The following GPLD1 variants were observed in gnomAD, a reference collection of about 807,000 sequenced individuals.
GPLD1 encodes the protein glycosylphosphatidylinositol specific phospholipase D1, also known as phosphatidylinositol-glycan-specific phospholipase D.
Under a neutral mutation model 112.6 loss-of-function variants are expected in GPLD1, and 84 were observed. The observed-to-expected ratio is 0.75, with a 90% CI of 0.63 to 0.89. GPLD1 has a LOEUF of 0.89. GPLD1 is among the 40% of genes least tolerant of loss of function. The pLI is 0.00. For missense variants in GPLD1, 1,044 were observed against 1,051.5 expected (o/e 0.99, Z 0.10); for synonymous variants, 386 against 403.8 (o/e 0.96, Z 0.53).
In GPLD1 at chr6:24,474,174, TAC is replaced by T. The variant is rs56324939; in HGVS notation, c.442-509_442-508del. 5.9e-3 allele frequency among the ~76,000 whole-genome samples: 861 copies of T among 145,596 alleles called. 1 individual carries two copies. Among genetic ancestry groups the T allele is most frequent in the South Asian group, 0.012 (54 of 4,564 alleles). ...AACAACAAAAAAAACCACACCCACA[TAC>T]ACACACACACACACACACACACACA... is the stretch of plus-strand genomic sequence containing the variant. On this transcript the variant is annotated intron_variant, in intron 5 of 24. Coordinates refer to ENST00000230036, the MANE Select transcript of GPLD1 (RefSeq NM_001503.4).
intron 14 of GPLD1, among the ~76,000 whole-genome samples, chr6:24,453,169 C>A (rs1763148446): frequency 6.6e-6 from 1 of 152,060 alleles, no homozygotes; most frequent in Non-Finnish European, 1.5e-5. Context: ...CCACTTAGGA[C>A]AAAAGAAGGA....
chr6:24,431,337 T>A (rs1282897860), intron 24 of GPLD1, among the ~76,000 whole-genome samples: 2 of 152,162 alleles, frequency 1.3e-5, no homozygotes, highest in African/African-American at 4.8e-5. Flanking sequence ...TCTGCAGCCC[T>A]TCAACCCACT....
rs1561847970 is a variant in GPLD1, at chr6:24,466,906, CT to C, written c.681+5del. 1.2e-6 allele frequency: 2 copies of C among 1,610,010 alleles called. No individual in the cohort carries two copies. Among genetic ancestry groups the C allele is most frequent in the Non-Finnish European group, 1.7e-6 (2 of 1,176,314 alleles). Reference sequence around the variant, plus strand: ...CCTTTAAGATTTGGAAGAATGACGCCTTTACCTTGGAAACAGCTAGCATCTC... The same window carrying C: ...CCTTTAAGATTTGGAAGAATGACGCCTTACCTTGGAAACAGCTAGCATCTC... On this transcript the variant is annotated splice_donor_5th_base_variant and intron_variant, in intron 9 of 24. Coordinates refer to ENST00000230036, the MANE Select transcript of GPLD1 (RefSeq NM_001503.4).
chr6:24,435,222 A>G (rs1043626997), intron 22 of GPLD1, among the ~76,000 whole-genome samples: 20 of 150,514 alleles, frequency 1.3e-4, no homozygotes, highest in Middle Eastern at 3.5e-3. Flanking sequence ...AGTGTTAGCC[A>G]GGATGGTCTC....
At position 24,485,672 on chromosome 6, in the gene GPLD1, C is replaced by CTT. The variant is rs372900860; in HGVS notation, c.153+402_153+403insAA. Among the ~76,000 whole-genome samples, 173 of 147,246 alleles carry CTT rather than the reference C, an allele frequency of 1.2e-3. 1 individual carries two copies. The highest frequency in any genetic ancestry group is 3.8e-3 in the African/African-American group (149 of 39,396). ...TAACATAAAGAAATAAATAATGAGT[C>CTT]TCTTTTTTTTTTTTGAGACGGAGTT... On this transcript the variant is annotated intron_variant, in intron 2 of 24. Transcript: ENST00000230036.
chr6:24,433,162 A>G (rs771600708), intron 24 of GPLD1, 25 bp downstream of exon 24: 5 of 1,531,036 alleles, frequency 3.3e-6, no homozygotes, highest in Non-Finnish European at 4.5e-6. Context: ...CATAAACATC[A>G]ATGAAGTTCA....
chr6:24,457,788 G>A (rs143223502), intron 12 of GPLD1, among the ~76,000 whole-genome samples: 65 of 151,864 alleles, frequency 4.3e-4, no homozygotes, highest in African/African-American at 1.5e-3. Context: ...CAGGAAAATC[G>A]CTTGAACCTG....
At chr6:24,468,278 A>G (rs1763683521) in intron 7 of GPLD1, among the ~76,000 whole-genome samples, 1 of 152,184 alleles carries the variant, frequency 6.6e-6, no homozygotes, top group Non-Finnish European at 1.5e-5. Context: ...TTTGCCCACA[A>G]GGAAATTCAT....
chr6:24,447,010 T>G, intron 17 of GPLD1, 31 bp from the exon 18 acceptor site: 1 of 1,598,470 alleles, frequency 6.3e-7, no homozygotes, highest in Non-Finnish European at 8.6e-7. Flanking sequence ...TTTTTACTAA[T>G]ACTTTAAGTG....
chr6:24,436,258 T>C (rs74478484), intron 22 of GPLD1, among the ~76,000 whole-genome samples: 17,618 of 152,158 alleles, frequency 0.12, 1,329 homozygotes, highest in East Asian at 0.16. Flanking sequence ...CCCGTCTCTA[T>C]TTTAAAAAGA....
At position 24,465,264 on chromosome 6, in the gene GPLD1, G is replaced by A. The variant is rs994971702; in HGVS notation, c.821+1416C>T. On this transcript the variant is annotated intron_variant, in intron 10 of 24. Transcript: ENST00000230036. ...AAAAAGAAATGGGTTTTCCGGCCAC[G>A]CATGGTGGCTCATGCCTGTAATCCC... 6.7e-4 allele frequency among the ~76,000 whole-genome samples: 102 copies of A among 151,390 alleles called. 1 individual carries two copies. Among genetic ancestry groups the A allele is most frequent in the Non-Finnish European group, 1.3e-3 (88 of 67,896 alleles).
chr6:24,437,942 T>C (rs538966886), intron 20 of GPLD1, among the ~76,000 whole-genome samples: 1 of 152,264 alleles, frequency 6.6e-6, no homozygotes, highest in African/African-American at 2.4e-5. Flanking sequence ...CCATACATAA[T>C]AACACCGAGT....
chr6:24,462,248 T>G (rs1438859496), intron 11 of GPLD1, among the ~76,000 whole-genome samples: 1 of 152,174 alleles, frequency 6.6e-6, no homozygotes, highest in East Asian at 1.9e-4. Context: ...TCCTCCCGCC[T>G]CAGCCTCCCA....
intron 3 of GPLD1, among the ~76,000 whole-genome samples, chr6:24,477,498 C>G (rs1459064759): frequency 1.3e-5 from 2 of 151,952 alleles, no homozygotes; most frequent in Non-Finnish European, 1.5e-5. Flanking sequence ...GTGGGAGGAC[C>G]CCCTGAGGCC....
At chr6:24,474,140 CAAAA>C (rs1323558068) in intron 5 of GPLD1, among the ~76,000 whole-genome samples, 1 of 140,002 alleles carries the variant, frequency 7.1e-6, no homozygotes, top group African/African-American at 3.0e-5. Context: ...AACAAACAAA[CAAAA>C]AAACAACAAC....
At chr6:24,436,781 C>G (rs367957618) in intron 21 of GPLD1, 45 bp from the exon 22 acceptor site, 2 of 1,588,144 alleles carry the variant, frequency 1.3e-6, no homozygotes, top group African/African-American at 1.3e-5. Flanking sequence ...TGACTCCTCA[C>G]TGTCATCTTT....
rs372699214 is a variant in GPLD1 at position 24,433,406 on chromosome 6, A to T, written c.2359-17T>A. On this transcript the variant is annotated splice_polypyrimidine_tract_variant and intron_variant, in intron 22 of 24. Transcript: ENST00000230036. ...ATATTGGGCCTGAAGAAAAAAATTG[A>T]GGAGAGAGACAATGTTATTACTGTT... The T allele has an allele frequency of 1.3e-6, 2 of 1,575,288 alleles. No individual in the cohort carries two copies. The highest frequency in any genetic ancestry group is 2.2e-5 in the South Asian group (2 of 90,242).
intron 17 of GPLD1, 31 bp downstream of exon 17, chr6:24,447,846 A>G: frequency 6.2e-7 from 1 of 1,610,594 alleles, no homozygotes; most frequent in Non-Finnish European, 8.5e-7. Flanking sequence ...CAGAGCAGCC[A>G]TGGTCTCACC....
intron 13 of GPLD1, among the ~76,000 whole-genome samples, chr6:24,455,269 C>A (rs755742585): frequency 1.3e-5 from 2 of 152,242 alleles, no homozygotes; most frequent in Non-Finnish European, 2.9e-5. Flanking sequence ...GCCAGCCCAG[C>A]AGGAGGCCTT....
Sources: allele counts gnomAD v4.1 joint callset (sites outside exome capture counted in the v4.1 genomes callset), GRCh38; gene constraint gnomAD v4.1.1; transcripts MANE v1.5; gene names NCBI Gene and HGNC (gene_info 2026-07-23, HGNC 2026-07-21).